Variants in PTPRM observed in about 807,000 individuals in gnomAD.
PTPRM encodes protein tyrosine phosphatase receptor type M.
PTPRM carries 47 observed loss-of-function variants against 186.7 expected under a neutral mutation model. That is an observed-to-expected ratio of 0.25 (90% CI 0.20 to 0.32). PTPRM has a LOEUF of 0.32. PTPRM is among the 10% of genes least tolerant of loss of function. The pLI is 1.00. For synonymous variants in PTPRM, 668 were observed against 674.9 expected, an observed-to-expected ratio of 0.99 and a Z score of 0.16; for missense variants, 1,494 against 1,865.0, an observed-to-expected ratio of 0.80 and a Z score of 3.66.
At chr18:8,208,611 A>C (rs2093960986) in intron 14 of PTPRM, among the ~76,000 whole-genome samples, 1 of 152,070 alleles carries the variant, frequency 6.6e-6, no homozygotes, top group Non-Finnish European at 1.5e-5. Context: ...TCCTGGGCTC[A>C]AGTGATCCTC....
intron 7 of PTPRM, among the ~76,000 whole-genome samples, chr18:7,982,586 A>T (rs73383834): frequency 0.099 from 15,011 of 151,822 alleles, 1,727 homozygotes; most frequent in African/African-American, 0.29. Flanking sequence ...TTATAGTAAA[A>T]CCATAAACCA....
intron 1 of PTPRM, among the ~76,000 whole-genome samples, chr18:7,569,146 A>C (rs2143300091): frequency 6.6e-6 from 1 of 152,302 alleles, no homozygotes; most frequent in South Asian, 2.1e-4. Context: ...TTAAGCAGTA[A>C]AAACCTTTGG....
chr18:8,201,359 C>CGGTTTTACATATATATTAAT lies in PTPRM; in HGVS notation c.2301-42697_2301-42678dup, dbSNP rs1418203084. Among the ~76,000 whole-genome samples, 10 of 152,264 alleles carry CGGTTTTACATATATATTAAT rather than the reference C, an allele frequency of 6.6e-5. No individual in the cohort carries two copies. In the East Asian group the frequency reaches 1.2e-3, roughly 18 times the overall value. On this transcript the variant is annotated intron_variant, in intron 14 of 32. Coordinates refer to ENST00000580170, the MANE Select transcript of PTPRM (RefSeq NM_001105244.2). ...GATTTAAAAACTAAAATATAATCTT[C>CGGTTTTACATATATATTAAT]GGTTTTACATATATATTAATGATTG...
intron 1 of PTPRM, among the ~76,000 whole-genome samples, chr18:7,649,258 C>G (rs2038638926): frequency 6.6e-6 from 1 of 152,194 alleles, no homozygotes; most frequent in African/African-American, 2.4e-5. Context: ...GACAATGCAC[C>G]TGGTCACACA....
intron 1 of PTPRM, among the ~76,000 whole-genome samples, chr18:7,581,697 C>G (rs997908229): frequency 2.0e-5 from 3 of 150,742 alleles, no homozygotes; most frequent in Non-Finnish European, 4.4e-5. Flanking sequence ...GCTCTGTCAC[C>G]CCAGCTGGAG....
intron 7 of PTPRM, among the ~76,000 whole-genome samples, chr18:7,977,279 G>C (rs1035956175): frequency 1.2e-4 from 18 of 152,184 alleles, no homozygotes; most frequent in East Asian, 5.8e-4. Context: ...TGTAGAGACG[G>C]AGTTTTGCCA....
chr18:8,082,651 A>C (rs1427317770), intron 9 of PTPRM, among the ~76,000 whole-genome samples: 1 of 151,230 alleles, frequency 6.6e-6, no homozygotes, highest in Non-Finnish European at 1.5e-5. Context: ...TCCTGTATTA[A>C]ATACCTACAT....
intron 20 of PTPRM, among the ~76,000 whole-genome samples, chr18:8,307,914 A>G (rs376765742): frequency 6.6e-6 from 1 of 152,224 alleles, no homozygotes; most frequent in East Asian, 1.9e-4. Flanking sequence ...GTGCCTAGCA[A>G]AAGAATTCAC....
At chr18:8,170,495 TAAA>T (rs754885084) in intron 14 of PTPRM, among the ~76,000 whole-genome samples, 15 of 133,408 alleles carry the variant, frequency 1.1e-4, no homozygotes, top group African/African-American at 1.4e-4. Context: ...GCTCAAGGGT[TAAA>T]AAAAAAAAAA....
intron 1 of PTPRM, among the ~76,000 whole-genome samples, chr18:7,713,045 A>T (rs1162440281): frequency 1.3e-5 from 2 of 152,180 alleles, no homozygotes; most frequent in Non-Finnish European, 2.9e-5. Flanking sequence ...CCTTGAGAAG[A>T]GCAACCCCAA....
At chr18:7,685,348 A>G (rs147619369) in intron 1 of PTPRM, among the ~76,000 whole-genome samples, 1 of 152,322 alleles carries the variant, frequency 6.6e-6, no homozygotes, top group Non-Finnish European at 1.5e-5. Flanking sequence ...AATTTTAACT[A>G]AAGTATGATC....
At chr18:7,690,196 G>T (rs1014147594) in intron 1 of PTPRM, among the ~76,000 whole-genome samples, 1 of 152,182 alleles carries the variant, frequency 6.6e-6, no homozygotes, top group East Asian at 1.9e-4. Flanking sequence ...GTCTAGAAGA[G>T]CACATGTAAA....
rs570080702 is a variant in PTPRM, at chr18:7,608,533, A to G, written c.73+40642A>G. 4.6e-5 allele frequency among the ~76,000 whole-genome samples: 7 copies of G among 152,242 alleles called. No individual in the cohort carries two copies. The South Asian group carries it at 1.5e-3, about 32-fold the overall frequency. Reference sequence around the variant, plus strand: ...TCAGTGAGCTTTTGAGGTCTCTAAAATGAGAATGGGAGGCACCTGGCTCCT... The same window carrying G: ...TCAGTGAGCTTTTGAGGTCTCTAAAGTGAGAATGGGAGGCACCTGGCTCCT... On this transcript the variant is annotated intron_variant, in intron 1 of 32. Transcript: ENST00000580170.
intron 1 of PTPRM, among the ~76,000 whole-genome samples, chr18:7,709,136 C>T (rs983410002): frequency 6.6e-6 from 1 of 152,068 alleles, no homozygotes; most frequent in African/African-American, 2.4e-5. Flanking sequence ...GTGGAACATT[C>T]TCTAAGATAG....
At chr18:8,292,817 A>G (rs537762289) in intron 19 of PTPRM, among the ~76,000 whole-genome samples, 1 of 152,312 alleles carries the variant, frequency 6.6e-6, no homozygotes, top group East Asian at 1.9e-4. Context: ...CTTTTGTTGT[A>G]AACATTCTTT....
intron 14 of PTPRM, among the ~76,000 whole-genome samples, chr18:8,232,741 C>G (rs1198955055): frequency 6.6e-6 from 1 of 152,122 alleles, no homozygotes; most frequent in Non-Finnish European, 1.5e-5. Flanking sequence ...TTGTGAAGCT[C>G]CCCACGACCC....
rs2095156324 is a variant in PTPRM, at chr18:8,301,405, T to A, written c.2842+4950T>A. On this transcript the variant is annotated intron_variant, in intron 20 of 32. Coordinates refer to ENST00000580170, the MANE Select transcript of PTPRM (RefSeq NM_001105244.2). ...TAATACTCTCAACAGTTCCTAATTA[T>A]AATTAACTCTAAGCTTAAGGCACAC... Among the ~76,000 whole-genome samples the A allele has an allele frequency of 2.0e-5, 3 of 152,128 alleles. No individual in the cohort carries two copies. The South Asian group carries it at 6.2e-4, about 32-fold the overall frequency.
At chr18:7,939,162 C>G (rs771575934) in intron 5 of PTPRM, among the ~76,000 whole-genome samples, 2 of 152,188 alleles carry the variant, frequency 1.3e-5, no homozygotes, top group Admixed American at 1.3e-4. Flanking sequence ...CAATCAATAT[C>G]TCACAAATGG....
chr18:8,154,639 T>C (rs1166771788), intron 14 of PTPRM: 1 of 152,206 alleles, frequency 6.6e-6, no homozygotes, highest in South Asian at 2.1e-4. Context: ...TTCTGAAGAA[T>C]TGGCCCTCTA....
Sources: allele counts gnomAD v4.1 joint callset (sites outside exome capture counted in the v4.1 genomes callset), GRCh38; gene constraint gnomAD v4.1.1; transcripts MANE v1.5; gene names NCBI Gene and HGNC (gene_info 2026-07-23, HGNC 2026-07-21).